Variants in HIVEP3 observed in about 807,000 individuals in gnomAD.
The protein encoded by HIVEP3 is transcription factor HIVEP3.
A neutral mutation model predicts 152.8 loss-of-function variants in HIVEP3; 49 were observed. That is an observed-to-expected ratio of 0.32 (90% CI 0.26 to 0.41). The LOEUF is 0.41. HIVEP3 is among the 10% of genes least tolerant of loss of function. The pLI is 1.00. For synonymous variants in HIVEP3, 1,269 were observed against 1,289.0 expected (o/e 0.98, Z 0.33); for missense variants, 2,790 against 3,103.3 (o/e 0.90, Z 2.40).
intron 1 of HIVEP3, among the ~76,000 whole-genome samples, chr1:41,724,668 A>G (rs1407651818): frequency 6.6e-6 from 1 of 152,212 alleles, no homozygotes; most frequent in East Asian, 1.9e-4. Flanking sequence ...GACGTGATGC[A>G]TTAAGATGCT....
At position 42,015,110 on chromosome 1, in the gene HIVEP3, T is replaced by C. The variant is rs150099483; in HGVS notation, n.119+20697A>G. On this transcript the variant is annotated intron_variant and non_coding_transcript_variant, in intron 1 of 3. Coordinates refer to the HIVEP3 transcript ENST00000489103. ...TCATGCTTAAGGAAATCCCCGGGGC[T>C]CATGGCCAACATCAAAATCCAACCA... Among the ~76,000 whole-genome samples, 1,511 of 152,242 alleles carry C rather than the reference T, an allele frequency of 9.9e-3. 10 individuals are homozygous for C. The highest frequency in any genetic ancestry group is 0.015 in the Non-Finnish European group (1,009 of 68,014).
chr1:41,759,961 T>C (rs1000559955), intron 1 of HIVEP3, among the ~76,000 whole-genome samples: 1 of 152,228 alleles, frequency 6.6e-6, no homozygotes, highest in African/African-American at 2.4e-5. Flanking sequence ...TGTTCAGTGA[T>C]GGTAAAACCT....
chr1:41,512,727 T>C (rs1232620245), intron 8 of HIVEP3, 89 bp downstream of exon 8: 1 of 1,067,466 alleles, frequency 9.4e-7, no homozygotes. Flanking sequence ...AGCTGTTTAG[T>C]TCCAGGTGTG....
chr1:41,957,914 C>T (rs1174862279), intron 1 of HIVEP3, among the ~76,000 whole-genome samples: 1 of 152,158 alleles, frequency 6.6e-6, no homozygotes, highest in Non-Finnish European at 1.5e-5. Context: ...GCCAATTCAC[C>T]CACATGCAAT....
intron 1 of HIVEP3, among the ~76,000 whole-genome samples, chr1:41,898,179 C>T (rs549744054): frequency 6.6e-6 from 1 of 152,326 alleles, no homozygotes; most frequent in Admixed American, 6.5e-5. Context: ...CTTGGTGCAT[C>T]TTGGAACCAA....
chr1:41,673,315 C>A (rs1364775087), intron 2 of HIVEP3, among the ~76,000 whole-genome samples: 2 of 152,218 alleles, frequency 1.3e-5, no homozygotes, highest in Admixed American at 6.5e-5. Flanking sequence ...TGCAAGTTTC[C>A]CAGGAGGACC....
At chr1:41,935,230 G>A (rs1010293868) in intron 1 of HIVEP3, among the ~76,000 whole-genome samples, 1 of 152,118 alleles carries the variant, frequency 6.6e-6, no homozygotes, top group Non-Finnish European at 1.5e-5. Context: ...AGTGAGAGAA[G>A]TGGGACTCAG....
At chr1:41,798,657 C>T (rs531929874) in intron 1 of HIVEP3, among the ~76,000 whole-genome samples, 26 of 152,224 alleles carry the variant, frequency 1.7e-4, no homozygotes, top group African/African-American at 6.0e-4. Context: ...TATTTTTGCA[C>T]CTACACTCTT....
At chr1:41,695,618 C>T (rs1558187062) in intron 2 of HIVEP3, among the ~76,000 whole-genome samples, 1 of 152,102 alleles carries the variant, frequency 6.6e-6, no homozygotes, top group East Asian at 1.9e-4. Context: ...GCTGAGGGTG[C>T]CCAGATTTGG....
In HIVEP3 at chr1:41,589,474, C is replaced by T. The variant is rs528755219; in HGVS notation, c.-521-4156G>A. Among the ~76,000 whole-genome samples, 94 of 152,278 alleles carry T rather than the reference C, an allele frequency of 6.2e-4. 2 individuals are homozygous for T. The highest frequency in any genetic ancestry group is 2.2e-3 in the African/African-American group (93 of 41,574). On this transcript the variant is annotated intron_variant, in intron 3 of 8. Transcript: ENST00000372583. Reference sequence around the variant, plus strand: ...TGGGAAGTAATGGAGGAGCCCGGGGCCAAGGCAGGGAGGCCTGAAGCTCTG... The same window carrying T: ...TGGGAAGTAATGGAGGAGCCCGGGGTCAAGGCAGGGAGGCCTGAAGCTCTG...
At chr1:41,839,157 C>T (rs1643212204) in intron 1 of HIVEP3, among the ~76,000 whole-genome samples, 1 of 152,150 alleles carries the variant, frequency 6.6e-6, no homozygotes, top group South Asian at 2.1e-4. Context: ...CCTGTGATTT[C>T]CTCACCCTAT....
At chr1:41,524,700 G>A (rs776837314) in intron 6 of HIVEP3, 35 bp downstream of exon 6, 9 of 1,582,172 alleles carry the variant, frequency 5.7e-6, no homozygotes, top group African/African-American at 1.3e-5. Flanking sequence ...TCCCTGCAGC[G>A]GGCAGGGGCA....
intron 1 of HIVEP3, among the ~76,000 whole-genome samples, chr1:41,828,431 G>A (rs1394061336): frequency 6.6e-6 from 1 of 152,198 alleles, no homozygotes; most frequent in African/African-American, 2.4e-5. Flanking sequence ...AGCTACTTCA[G>A]TTGATAAACT....
intron 5 of HIVEP3, among the ~76,000 whole-genome samples, chr1:41,529,025 TCA>T (rs774911395): frequency 3.4e-5 from 3 of 88,674 alleles, no homozygotes; most frequent in African/African-American, 9.0e-5. Flanking sequence ...ACCACTGACC[TCA>T]CACTCTCCCT....
At chr1:41,889,519 C>G (rs1199721646) in intron 1 of HIVEP3, among the ~76,000 whole-genome samples, 2 of 152,178 alleles carry the variant, frequency 1.3e-5, no homozygotes, top group African/African-American at 4.8e-5. Context: ...AACTCTCCTG[C>G]AGGGCCTGAG....
chr1:41,580,318 T>C lies in HIVEP3; in HGVS notation c.4480A>G (p.Arg1494Gly). Residue 1494 changes from arginine to glycine, a missense_variant, in exon 4 of 9, where the codon AGG (arginine) becomes GGG (glycine). Arg to Gly is a moderately radical substitution (Grantham distance 125, BLOSUM62 -2). Transcript: ENST00000372583. ...AGGCTGGACAGCATTTCTAGCTCCCTCCTGCCTTGGCCCTGGTTGCCTAAG... is the reference window on the plus strand; with the variant it reads ...AGGCTGGACAGCATTTCTAGCTCCCCCCTGCCTTGGCCCTGGTTGCCTAAG... Reference protein sequence around the residue: ...SHLGNQGQGRRELEMLSSLSS... With the variant: ...SHLGNQGQGRGELEMLSSLSS... The C allele has an allele frequency of 6.2e-7, 1 of 1,614,222 alleles. No homozygotes were observed. Among genetic ancestry groups the C allele is most frequent in the Non-Finnish European group, 8.5e-7 (1 of 1,180,032 alleles).
chr1:41,641,708 CA>C (rs1162249538), intron 2 of HIVEP3, among the ~76,000 whole-genome samples: 1 of 152,226 alleles, frequency 6.6e-6, no homozygotes, highest in African/African-American at 2.4e-5. Context: ...ACACTGCTTA[CA>C]GGGGGTGACA....
intron 3 of HIVEP3, among the ~76,000 whole-genome samples, chr1:41,627,940 C>T (rs867788445): frequency 3.3e-5 from 5 of 152,068 alleles, no homozygotes; most frequent in Middle Eastern, 3.4e-3. Context: ...TTTCTAATCC[C>T]CAGCTCTCTG....
Position 41,580,345 on chromosome 1 carries a change from G to A in HIVEP3, c.4453C>T (p.His1485Tyr). The change falls in exon 4 of 9, where the codon CAC becomes TAC. Residue 1485 changes from histidine (H) to tyrosine (Y), a missense_variant. His to Tyr is a moderately conservative substitution (Grantham distance 83). Transcript: ENST00000372583. ...CTGCCTTGGCCCTGGTTGCCTAAGT[G>A]GGATTTCTCTGGCCTCTTCCCATCC... Reference protein sequence around the residue: ...TEDGKRPEKSHLGNQGQGRRE... With the variant: ...TEDGKRPEKSYLGNQGQGRRE... The A allele has an allele frequency of 6.2e-7, 1 of 1,614,210 alleles. No individual in the cohort carries two copies. Among genetic ancestry groups the A allele is most frequent in the Non-Finnish European group, 8.5e-7 (1 of 1,180,040 alleles).
Sources: allele counts gnomAD v4.1 joint callset (sites outside exome capture counted in the v4.1 genomes callset), GRCh38; gene constraint gnomAD v4.1.1; transcripts MANE v1.5; gene names NCBI Gene and HGNC (gene_info 2026-07-23, HGNC 2026-07-21).